Variants in ATAD3A observed in about 807,000 individuals in gnomAD.
The protein encoded by ATAD3A is ATPase family AAA domain-containing protein 3A.
ATAD3A carries 46 observed loss-of-function variants against 73.8 expected under a neutral mutation model. The ratio of observed to expected loss-of-function variants is 0.62; its 90% CI spans 0.49 to 0.80. ATAD3A has a LOEUF of 0.80. ATAD3A is among the 30% of genes least tolerant of loss of function. The pLI is 0.00. For synonymous variants in ATAD3A, 319 were observed against 350.0 expected (o/e 0.91, Z 0.99); for missense variants, 705 against 838.0 (o/e 0.84, Z 1.96).
rs748122063 is a variant in ATAD3A, at chr1:1,520,290, G to A, written c.664G>A (p.Val222Ile). ...GAAGGCGGCCGAGCACCGTCAGACC[G>A]TCTTGGAGTCCATCAGGTGAGCACT... ...RLKAAEHRQT[V>I]LESIRTAGTL... The change falls in exon 6 of 16, where the codon GTC becomes ATC. Residue 222 changes from valine to isoleucine, a missense_variant. By Grantham distance (29) the Val-to-Ile change is conservative. Transcript: ENST00000378756. This position sits in a 1 kb window ranked among gnomAD's most constrained non-coding sequence, Gnocchi z 4.0. 1.4e-5 allele frequency: 23 copies of A among 1,612,850 alleles called. No individual in the cohort carries two copies. The highest frequency in any genetic ancestry group is 5.3e-5 in the African/African-American group (4 of 74,928).
chr1:1,528,185 A>G (rs1482497385), intron 14 of ATAD3A, among the ~76,000 whole-genome samples: 1 of 150,840 alleles, frequency 6.6e-6, no homozygotes, highest in Non-Finnish European at 1.5e-5. Context: ...TTCGTCTCAA[A>G]CTCCTGACCT....
At chr1:1,526,389 G>T (rs1641844324) in intron 12 of ATAD3A, 72 bp from the exon 13 acceptor site, 1 of 1,565,130 alleles carries the variant, frequency 6.4e-7, no homozygotes, top group South Asian at 1.2e-5. Flanking sequence ...AGGGAGGCCT[G>T]TGGGACTTTC....
At position 1,517,104 on chromosome 1, in the gene ATAD3A, G is replaced by T; in HGVS notation, c.283-207G>T. On this transcript the variant is annotated intron_variant, in intron 2 of 15. Coordinates refer to ENST00000378756, the MANE Select transcript of ATAD3A (RefSeq NM_001170535.3). ...CCTCCCTCCCGGGGGGCCTTCGCGG[G>T]CTTCTGCTGGTGCTTCTGTGCCTGT... is the stretch of plus-strand genomic sequence containing the variant. The T allele has an allele frequency of 5.2e-6, 8 of 1,535,894 alleles. 1 individual carries two copies. Among genetic ancestry groups the T allele is most frequent in the Middle Eastern group, 2.1e-4 (1 of 4,832 alleles).
intron 4 of ATAD3A, 121 bp from the exon 5 acceptor site, chr1:1,518,800 G>A (rs560895321): frequency 2.5e-5 from 40 of 1,571,836 alleles, no homozygotes; most frequent in South Asian, 2.0e-4. Context: ...AACGGGCACC[G>A]TCACACCCCG....
intron 4 of ATAD3A, among the ~76,000 whole-genome samples, 165 bp downstream of exon 4, chr1:1,517,940 T>C (rs1378607710): frequency 6.6e-6 from 1 of 151,854 alleles, no homozygotes; most frequent in Non-Finnish European, 1.5e-5. Context: ...AGCACACGTG[T>C]ACAGGCACAC....
At chr1:1,525,197 C>T (rs11260606) in intron 11 of ATAD3A, 43 bp from the exon 12 acceptor site, 18 of 1,612,596 alleles carry the variant, frequency 1.1e-5, no homozygotes, top group Non-Finnish European at 1.4e-5. Context: ...TGGGCTGCTC[C>T]TGGTGTCACT....
At chr1:1,521,298 CAAAA>C (rs1001385922) in intron 7 of ATAD3A, among the ~76,000 whole-genome samples, 135 of 25,322 alleles carry the variant, frequency 5.3e-3, no homozygotes, top group African/African-American at 0.012. Flanking sequence ...GGCTTCTTCT[CAAAA>C]AAAAAAAAAA....
At chr1:1,525,021 TG>T (rs1641752139) in intron 11 of ATAD3A, among the ~76,000 whole-genome samples, 1 of 152,166 alleles carries the variant, frequency 6.6e-6, no homozygotes, top group East Asian at 1.9e-4. Flanking sequence ...CCCCCGTGTG[TG>T]GTTGGTTTCC....
At chr1:1,521,542 C>T (rs1240126554) in intron 7 of ATAD3A, among the ~76,000 whole-genome samples, 1 of 152,204 alleles carries the variant, frequency 6.6e-6, no homozygotes, top group Non-Finnish European at 1.5e-5. Context: ...ACTGAGTGGG[C>T]ACTTGCTCTG....
In ATAD3A at chr1:1,533,785, C is replaced by T. The variant is rs996055781; in HGVS notation, c.1615-141C>T. 7.9e-5 allele frequency: 98 copies of T among 1,240,802 alleles called. 1 individual carries two copies. The Middle Eastern group carries it at 1.1e-3, about 14-fold the overall frequency. 76.9% of individuals were successfully genotyped at this position (1,240,802 alleles called of 1,614,324 possible). On this transcript the variant is annotated intron_variant, in intron 15 of 15. Coordinates refer to ENST00000378756, the MANE Select transcript of ATAD3A (RefSeq NM_001170535.3). ...TGTCCACACACGTGCTGGGCTCTGCCGAGGTGCGGGAAGCCTGTGTTTCAC... is the reference window on the plus strand; with the variant it reads ...TGTCCACACACGTGCTGGGCTCTGCTGAGGTGCGGGAAGCCTGTGTTTCAC...
Position 1,523,190 on chromosome 1 carries a change from A to C in ATAD3A, c.906+291A>C, listed in dbSNP as rs112988335. On this transcript the variant is annotated intron_variant, in intron 8 of 15. Transcript: ENST00000378756. The surrounding 1 kb of genome is among the most constrained non-coding windows in gnomAD (Gnocchi z 5.1). ...GGACTTGGGTGTGCGGCCGTCTATC[A>C]GGGAAGCTGCTACAGGCCACGGCGT... 2.6e-5 allele frequency among the ~76,000 whole-genome samples: 4 copies of C among 151,900 alleles called. No homozygotes were observed. The highest frequency in any genetic ancestry group is 9.7e-5 in the African/African-American group (4 of 41,248).
At chr1:1,516,507 G>A (rs141627726) in intron 2 of ATAD3A, among the ~76,000 whole-genome samples, 2 of 152,112 alleles carry the variant, frequency 1.3e-5, no homozygotes, top group African/African-American at 2.4e-5. Context: ...TCCGCTCCTG[G>A]GTTCAAGCAA....
intron 15 of ATAD3A, among the ~76,000 whole-genome samples, chr1:1,532,731 C>T (rs1166256482): frequency 6.6e-6 from 1 of 152,188 alleles, no homozygotes; most frequent in Admixed American, 6.5e-5. Flanking sequence ...CACCTGTTTG[C>T]CCTCTCTTGG....
chr1:1,532,875 C>T (rs1246513790), intron 15 of ATAD3A, among the ~76,000 whole-genome samples: 2 of 151,702 alleles, frequency 1.3e-5, no homozygotes, highest in Non-Finnish European at 2.9e-5. Flanking sequence ...GTCAGTGTCT[C>T]CTGCACTCCG....
At chr1:1,521,296 C>T (rs904476185) in intron 7 of ATAD3A, among the ~76,000 whole-genome samples, 1 of 69,254 alleles carries the variant, frequency 1.4e-5, no homozygotes, top group African/African-American at 6.8e-5. Flanking sequence ...GAGGCTTCTT[C>T]TCAAAAAAAA....
chr1:1,526,123 A>C (rs1169296287), intron 12 of ATAD3A, among the ~76,000 whole-genome samples: 5 of 150,812 alleles, frequency 3.3e-5, no homozygotes, highest in African/African-American at 1.2e-4. Flanking sequence ...CCCAGGTTTC[A>C]GTGATTCTCG....
At chr1:1,527,301 G>T in intron 13 of ATAD3A, 1 of 1,174,900 alleles carries the variant, frequency 8.5e-7, no homozygotes, top group Non-Finnish European at 1.1e-6. Context: ...GAGAGGCAAG[G>T]CTGGGGCCCT....
intron 1 of ATAD3A, 72 bp from the exon 2 acceptor site, chr1:1,515,940 G>A (rs1641339818): frequency 1.3e-6 from 2 of 1,572,740 alleles, no homozygotes; most frequent in Non-Finnish European, 1.7e-6. Flanking sequence ...AAAGCCCCTT[G>A]GCTGGTGTGC....
intron 15 of ATAD3A, among the ~76,000 whole-genome samples, chr1:1,531,231 G>C (rs1404327370): frequency 1.7e-4 from 26 of 152,154 alleles, no homozygotes; most frequent in Non-Finnish European, 3.1e-4. Context: ...AAGGCGGGCA[G>C]ATCACGAGGT....
Sources: allele counts gnomAD v4.1 joint callset (sites outside exome capture counted in the v4.1 genomes callset), GRCh38; gene constraint gnomAD v4.1.1; non-coding constraint Gnocchi (gnomAD v3.1); transcripts MANE v1.5; gene names NCBI Gene and HGNC (gene_info 2026-07-23, HGNC 2026-07-21).